Variants in ASCC3 observed in about 807,000 individuals in gnomAD.
ASCC3 encodes the protein activating signal cointegrator 1 complex subunit 3.
ASCC3 carries 158 observed loss-of-function variants against 256.3 expected under a neutral mutation model. The observed-to-expected ratio is 0.62, with a 90% CI of 0.54 to 0.70. The LOEUF (loss-of-function observed/expected upper bound fraction) is 0.70, where lower values mean the gene tolerates loss of function less well. Among genes scored for constraint, ASCC3 ranks in the 30% least tolerant of loss-of-function variants. The probability of loss-of-function intolerance (pLI) is 0.00; values close to 1 mark genes in which losing one functional copy is unlikely to be tolerated. For missense variants in ASCC3, 2,259 were observed against 2,626.0 expected (o/e 0.86, Z 3.05); for synonymous variants, 948 against 883.4 (o/e 1.07, Z -1.30).
chr6:100,555,192 T>C (rs553119545), intron 36 of ASCC3, among the ~76,000 whole-genome samples: 1 of 152,106 alleles, frequency 6.6e-6, no homozygotes, highest in South Asian at 2.1e-4. Flanking sequence ...TCCAGCTAAT[T>C]AAAAATTTTC....
chr6:100,836,180 A>G (rs1771865318), intron 4 of ASCC3, among the ~76,000 whole-genome samples: 1 of 151,994 alleles, frequency 6.6e-6, no homozygotes, highest in South Asian at 2.1e-4. Context: ...ATAAGATTGG[A>G]TCATGTTGTC....
chr6:100,612,006 T>C (rs1261512375), intron 30 of ASCC3, among the ~76,000 whole-genome samples: 1 of 152,058 alleles, frequency 6.6e-6, no homozygotes, highest in African/African-American at 2.4e-5. Context: ...GACCACCTGA[T>C]TGTTAAAAAA....
At chr6:100,556,421 T>C (rs976784324) in intron 36 of ASCC3, among the ~76,000 whole-genome samples, 3 of 152,200 alleles carry the variant, frequency 2.0e-5, no homozygotes, top group Non-Finnish European at 4.4e-5. Context: ...GAGGATGCCA[T>C]ACCATGTGGA....
At chr6:100,603,916 T>A (rs962605262) in intron 33 of ASCC3, among the ~76,000 whole-genome samples, 2 of 152,008 alleles carry the variant, frequency 1.3e-5, no homozygotes, top group African/African-American at 4.8e-5. Flanking sequence ...TTTTATCAGG[T>A]TTTGGTATCC....
At chr6:100,795,664 A>G (rs981097626) in intron 8 of ASCC3, among the ~76,000 whole-genome samples, 9 of 152,170 alleles carry the variant, frequency 5.9e-5, no homozygotes, top group Non-Finnish European at 1.2e-4. Context: ...GTATTTTTGC[A>G]TGTACTAGAA....
In ASCC3 at chr6:100,540,161, A is replaced by G; in HGVS notation, c.5775+2T>C. On this transcript the variant is annotated splice_donor_variant, in intron 37 of 41. Transcript: ENST00000369162. LOFTEE classifies it high-confidence loss of function. ...CATAGGTATTAGAAATGACTTTCAT[A>G]CCTGACATACTCTGAGAGCTTGGTC... 6.2e-7 allele frequency: 1 copy of G among 1,610,406 alleles called. No homozygotes were observed. The highest frequency in any genetic ancestry group is 8.5e-7 in the Non-Finnish European group (1 of 1,176,660).
Position 100,645,641 on chromosome 6 carries a change from G to T in ASCC3, c.3633+974C>A, listed in dbSNP as rs544463581. ...TGAATGTAAGAACTGAGCCTCACTT[G>T]CCTTTGTACCTACAATCTCTAACAT... On this transcript the variant is annotated intron_variant, in intron 22 of 41. Transcript: ENST00000369162. Among the ~76,000 whole-genome samples, 6 of 152,172 alleles carry T rather than the reference G, an allele frequency of 3.9e-5. No individual in the cohort carries two copies. In the South Asian group the frequency reaches 1.2e-3, roughly 32 times the overall value.
At chr6:100,521,156 T>A (rs1774283924) in intron 37 of ASCC3, among the ~76,000 whole-genome samples, 1 of 152,188 alleles carries the variant, frequency 6.6e-6, no homozygotes, top group Non-Finnish European at 1.5e-5. Flanking sequence ...CAAGTTTTAA[T>A]GTCAGATAAA....
At chr6:100,747,011 C>T (rs1156351021) in intron 10 of ASCC3, among the ~76,000 whole-genome samples, 1 of 151,718 alleles carries the variant, frequency 6.6e-6, no homozygotes, top group Non-Finnish European at 1.5e-5. Flanking sequence ...AACACGTATC[C>T]AACAAAGAGC....
At chr6:100,829,172 G>A (rs918691379) in intron 4 of ASCC3, among the ~76,000 whole-genome samples, 2 of 152,150 alleles carry the variant, frequency 1.3e-5, no homozygotes, top group African/African-American at 2.4e-5. Context: ...GATTCACCCA[G>A]TGGATCCCGC....
intron 4 of ASCC3, among the ~76,000 whole-genome samples, chr6:100,835,740 C>G (rs1411254341): frequency 6.6e-6 from 1 of 152,042 alleles, no homozygotes; most frequent in African/African-American, 2.4e-5. Flanking sequence ...CCAGGGTCTT[C>G]TGTGATTCCA....
At chr6:100,865,919 G>C (rs1773455529) in intron 2 of ASCC3, among the ~76,000 whole-genome samples, 1 of 151,814 alleles carries the variant, frequency 6.6e-6, no homozygotes, top group Admixed American at 6.6e-5. Context: ...ATTATATTTT[G>C]TGCAAGTTTC....
chr6:100,595,503 A>T (rs532617064), intron 34 of ASCC3, among the ~76,000 whole-genome samples: 26 of 152,294 alleles, frequency 1.7e-4, no homozygotes, highest in Admixed American at 6.5e-4. Context: ...TCTAGATGTG[A>T]AGGTTTATAT....
chr6:100,776,073 T>C (rs1782170682), intron 8 of ASCC3, among the ~76,000 whole-genome samples: 1 of 152,126 alleles, frequency 6.6e-6, no homozygotes, highest in Non-Finnish European at 1.5e-5. Context: ...TAGAACTACA[T>C]GCTAATAATA....
At chr6:100,678,508 A>C (rs1447113819) in intron 14 of ASCC3, among the ~76,000 whole-genome samples, 2 of 152,128 alleles carry the variant, frequency 1.3e-5, no homozygotes, top group Admixed American at 6.5e-5. Context: ...TAGAATTTAA[A>C]ATATCAATAT....
At chr6:100,780,263 G>T (rs1405895158) in intron 8 of ASCC3, among the ~76,000 whole-genome samples, 1 of 152,112 alleles carries the variant, frequency 6.6e-6, no homozygotes, top group Non-Finnish European at 1.5e-5. Flanking sequence ...GTGGTTAATG[G>T]CTACTATGTC....
intron 8 of ASCC3, among the ~76,000 whole-genome samples, chr6:100,776,120 CCTAA>C (rs987146897): frequency 6.6e-6 from 1 of 152,060 alleles, no homozygotes; most frequent in African/African-American, 2.4e-5. Flanking sequence ...ACACACAATA[CCTAA>C]TTAAATGCAG....
chr6:100,814,207 T>A (rs1770629962), intron 4 of ASCC3, among the ~76,000 whole-genome samples: 1 of 152,180 alleles, frequency 6.6e-6, no homozygotes, highest in African/African-American at 2.4e-5. Context: ...GCATGTGGTT[T>A]TTGTCTTTAG....
intron 36 of ASCC3, among the ~76,000 whole-genome samples, chr6:100,566,713 C>T (rs1181246313): frequency 6.6e-6 from 1 of 152,028 alleles, no homozygotes; most frequent in African/African-American, 2.4e-5. Flanking sequence ...TGTATTATCT[C>T]CCCACCCCAT....
Sources: gnomAD v4.1 joint callset for allele counts (sites outside exome capture counted in the v4.1 genomes callset) on GRCh38, gnomAD v4.1.1 for gene constraint, MANE v1.5 for transcripts, NCBI Gene and HGNC (gene_info 2026-07-23, HGNC 2026-07-21) for gene names.